Variants in FXYD7 observed in about 807,000 individuals in gnomAD.
FXYD7 encodes FXYD domain-containing ion transport regulator 7.
FXYD7 carries 7 observed loss-of-function variants against 15.3 expected under a neutral mutation model. The ratio of observed to expected loss-of-function variants is 0.46; its 90% CI spans 0.26 to 0.86. The LOEUF is 0.86. Among genes scored for constraint, FXYD7 ranks in the 40% least tolerant of loss-of-function variants. The pLI is 0.16. For synonymous variants in FXYD7, 39 were observed against 39.3 expected, an observed-to-expected ratio of 0.99 and a Z score of 0.03; for missense variants, 78 against 100.6, an observed-to-expected ratio of 0.78 and a Z score of 0.96.
intron 2 of FXYD7, among the ~76,000 whole-genome samples, chr19:35,150,235 A>T (rs1396641322): frequency 6.6e-6 from 1 of 152,072 alleles, no homozygotes; most frequent in Non-Finnish European, 1.5e-5. Context: ...GCTCTACATA[A>T]AAAATTTAAA....
At position 35,153,036 on chromosome 19, in the gene FXYD7, T is replaced by TG. The variant is rs775322108; in HGVS notation, c.221-858_221-857insG. ...GTGTGGAATTTGTTTCACGTTCCTT[T>TG]TTTTTTTTTTTTTTTTTTTTTTTTT... On this transcript the variant is annotated intron_variant, in intron 5 of 5. Coordinates refer to ENST00000270310, the MANE Select transcript of FXYD7 (RefSeq NM_022006.2). Among the ~76,000 whole-genome samples the TG allele has an allele frequency of 3.2e-3, 310 of 97,086 alleles. 31 individuals carry two copies. Among genetic ancestry groups the TG allele is most frequent in the African/African-American group, 0.013 (230 of 18,356 alleles). The allele number at this position is 97,086 out of a possible 152,430, so 63.7% of individuals were successfully genotyped here. A position where few individuals can be genotyped will look rare whatever the true frequency, so the allele number is the denominator to read the frequency against.
At chr19:35,153,047 T>TTTTTTTTTTTTTTTTTTTTTTTTTTTA (rs2065320753) in intron 5 of FXYD7, among the ~76,000 whole-genome samples, 1 of 122,404 alleles carries the variant, frequency 8.2e-6, no homozygotes, top group African/African-American at 3.1e-5. Flanking sequence ...TTTTTTTTTT[T>TTTTTTTTTTTTTTTTTTTTTTTTTTTA]TTTTTTTTTT....
intron 5 of FXYD7, among the ~76,000 whole-genome samples, chr19:35,153,033 CTTTTTT>C (rs954084904): frequency 3.8e-3 from 167 of 44,126 alleles, no homozygotes; most frequent in East Asian, 0.027. Flanking sequence ...TTTCACGTTC[CTTTTTT>C]TTTTTTTTTT....
chr19:35,151,583 A>G (rs768869520), intron 4 of FXYD7, 50 bp from the exon 5 acceptor site: 8 of 1,596,958 alleles, frequency 5.0e-6, no homozygotes, highest in Admixed American at 5.0e-5. Flanking sequence ...CCCAAAGCCT[A>G]TGGTTATTGA....
In FXYD7 at chr19:35,143,410, G is replaced by C; in HGVS notation, c.31+46G>C. 7.4e-7 allele frequency: 1 copy of C among 1,359,764 alleles called. No individual in the cohort carries two copies. Among genetic ancestry groups the C allele is most frequent in the Non-Finnish European group, 9.8e-7 (1 of 1,015,578 alleles). The allele number at this position is 1,359,764 out of a possible 1,614,324, so 84.2% of individuals were successfully genotyped here. On this transcript the variant is annotated intron_variant, in intron 1 of 5. Transcript: ENST00000270310. This position sits in a 1 kb window ranked among gnomAD's most constrained non-coding sequence, Gnocchi z 4.3. ...GGGTTGCAGGGGGGCTCCGGGATCT[G>C]AGAGCCTAGGAGAGAGGGTGTCGGG...
chr19:35,154,283 G>T lies in FXYD7; in HGVS notation c.*367G>T, dbSNP rs1203817226. ...TCCATGTCTTGAGCTTAATAAATGT[G>T]CATTTGGTTTTTTCCTCTGTTCTGT... On this transcript the variant is annotated 3_prime_UTR_variant, in exon 6 of 6. Transcript: ENST00000270310. 11 of 346,164 alleles carry T rather than the reference G, an allele frequency of 3.2e-5. No homozygotes were observed. The highest frequency in any genetic ancestry group is 5.3e-6 in the Non-Finnish European group (1 of 188,612). The allele number at this position is 346,164 out of a possible 1,614,324, so 21.4% of individuals were successfully genotyped here.
intron 2 of FXYD7, chr19:35,149,575 C>G (rs369315035): frequency 1.2e-5 from 2 of 164,880 alleles, no homozygotes; most frequent in African/African-American, 4.8e-5. Flanking sequence ...GAGGCCTGGA[C>G]CACTACTGGT....
chr19:35,151,422 GTC>G lies in FXYD7; in HGVS notation c.137-9_137-8del, dbSNP rs746666892. The G allele has an allele frequency of 1.2e-6, 2 of 1,613,400 alleles. No individual in the cohort carries two copies. Among genetic ancestry groups the G allele is most frequent in the South Asian group, 2.2e-5 (2 of 91,066 alleles). ...CCGCTATGTCCTGTCTTCTTGTTCT[GTC>G]TCTCTCTCCCAACAGGCAAGAAGGT... is the stretch of plus-strand genomic sequence containing the variant. On this transcript the variant is annotated splice_polypyrimidine_tract_variant and intron_variant, in intron 3 of 5. Transcript: ENST00000270310.
chr19:35,149,451 C>T (rs189730411), intron 2 of FXYD7: 1 of 179,532 alleles, frequency 5.6e-6, no homozygotes, highest in Non-Finnish European at 1.2e-5. Context: ...GCCCTCCTGA[C>T]TCCCTGGCAA....
At chr19:35,147,157 C>T (rs2065291396) in intron 1 of FXYD7, among the ~76,000 whole-genome samples, 1 of 152,200 alleles carries the variant, frequency 6.6e-6, no homozygotes, top group Non-Finnish European at 1.5e-5. Flanking sequence ...GCCTGGAGGC[C>T]TGAATGTTCC....
rs2065327968 is a variant in FXYD7 at position 35,153,963 on chromosome 19, G to A, written c.*47G>A. 1 of 1,595,104 alleles carries A rather than the reference G, an allele frequency of 6.3e-7. No individual in the cohort carries two copies. The highest frequency in any genetic ancestry group is 1.3e-5 in the African/African-American group (1 of 74,522). On this transcript the variant is annotated 3_prime_UTR_variant, in exon 6 of 6. Coordinates refer to ENST00000270310, the MANE Select transcript of FXYD7 (RefSeq NM_022006.2). Reference sequence around the variant, plus strand: ...CTGCCGACCCTGCCTGAGCGCGGGAGCCTGAGGACCGGGTGGAGGCGGTGG... The same window carrying A: ...CTGCCGACCCTGCCTGAGCGCGGGAACCTGAGGACCGGGTGGAGGCGGTGG...
chr19:35,153,851 G>C (rs1237251808), intron 5 of FXYD7, 43 bp from the exon 6 acceptor site: 1 of 1,606,480 alleles, frequency 6.2e-7, no homozygotes. Context: ...GAGGGAGGCA[G>C]TTTCCACCTT....
chr19:35,151,181 C>T, intron 2 of FXYD7, 73 bp from the exon 3 acceptor site: 2 of 998,566 alleles, frequency 2.0e-6, no homozygotes, highest in Admixed American at 1.7e-5. Flanking sequence ...CTGGGCCACC[C>T]AGAGCCAGGA....
At chr19:35,150,506 G>A (rs1272645269) in intron 2 of FXYD7, among the ~76,000 whole-genome samples, 2 of 152,196 alleles carry the variant, frequency 1.3e-5, no homozygotes, top group African/African-American at 2.4e-5. Flanking sequence ...GGAGAGGATG[G>A]AAATTCTGAA....
rs2065310544 is a variant in FXYD7 at position 35,151,616 on chromosome 19, C to T, written c.180-17C>T. On this transcript the variant is annotated splice_polypyrimidine_tract_variant and intron_variant, in intron 4 of 5. Coordinates refer to ENST00000270310, the MANE Select transcript of FXYD7 (RefSeq NM_022006.2). ...TGAACCTCTTTCTACTTTTCTCTCT[C>T]ATCTCTGCCTCCACAGCCCAACCTG... The T allele has an allele frequency of 1.2e-6, 2 of 1,611,226 alleles. No individual in the cohort carries two copies. The highest frequency in any genetic ancestry group is 1.7e-6 in the Non-Finnish European group (2 of 1,177,458).
intron 5 of FXYD7, among the ~76,000 whole-genome samples, chr19:35,152,812 C>A (rs2065316873): frequency 6.6e-6 from 1 of 151,604 alleles, no homozygotes; most frequent in African/African-American, 2.4e-5. Flanking sequence ...AGACTGATCT[C>A]TTTGAGGCTG....
intron 5 of FXYD7, among the ~76,000 whole-genome samples, chr19:35,152,489 G>A (rs1397896784): frequency 6.6e-6 from 1 of 152,100 alleles, no homozygotes; most frequent in Admixed American, 6.6e-5. Context: ...GAGGGAGGGA[G>A]GGAAGGTTTC....
In FXYD7 at chr19:35,154,029, GCCCCACCCA is replaced by G; in HGVS notation, c.*119_*127del. 1.1e-6 allele frequency: 1 copy of G among 947,266 alleles called. No homozygotes were observed. The highest frequency in any genetic ancestry group is 1.6e-6 in the Non-Finnish European group (1 of 607,954). The allele number at this position is 947,266 out of a possible 1,614,324, so 58.7% of individuals were successfully genotyped here. A position where few individuals can be genotyped will look rare whatever the true frequency, so the allele number is the denominator to read the frequency against. Reference sequence around the variant, plus strand: ...CCGGGAGCGCTCCCCGGAATGAGCCGCCCCACCCACCCCAAGGCTGGAGCCGCTGCACCC... The same window carrying G: ...CCGGGAGCGCTCCCCGGAATGAGCCGCCCCAAGGCTGGAGCCGCTGCACCC... On this transcript the variant is annotated 3_prime_UTR_variant, in exon 6 of 6. Coordinates refer to ENST00000270310, the MANE Select transcript of FXYD7 (RefSeq NM_022006.2).
At chr19:35,151,740 G>A (rs1481967757) in intron 5 of FXYD7, 67 bp downstream of exon 5, 4 of 1,087,226 alleles carry the variant, frequency 3.7e-6, no homozygotes, top group Non-Finnish European at 5.7e-6. Context: ...ACCCTCAGAA[G>A]GGAAGTCGCG....
Sources: allele counts gnomAD v4.1 joint callset (sites outside exome capture counted in the v4.1 genomes callset), GRCh38; gene constraint gnomAD v4.1.1; non-coding constraint Gnocchi (gnomAD v3.1); transcripts MANE v1.5; gene names NCBI Gene and HGNC (gene_info 2026-07-23, HGNC 2026-07-21).